TAF5: variants seen among roughly 807,000 people sequenced by gnomAD.
TAF5 encodes the protein TATA-box binding protein associated factor 5.
In TAF5, 20 loss-of-function variants were observed where a neutral mutation model predicts 80.9. That is an observed-to-expected ratio of 0.25 (90% CI 0.17 to 0.36). The LOEUF (loss-of-function observed/expected upper bound fraction) is 0.36. Among genes scored for constraint, TAF5 ranks in the 10% least tolerant of loss-of-function variants. TAF5 has a pLI of 1.00. For synonymous variants in TAF5, 388 were observed against 406.4 expected (o/e 0.95, Z 0.55); for missense variants, 863 against 1,029.4 (o/e 0.84, Z 2.21).
intron 1 of TAF5, among the ~76,000 whole-genome samples, chr10:103,369,490 G>A (rs546026744): frequency 3.3e-5 from 5 of 151,788 alleles, no homozygotes; most frequent in African/African-American, 9.7e-5. Flanking sequence ...TCCCGAATAG[G>A]TGGGACTACT....
intron 5 of TAF5, among the ~76,000 whole-genome samples, chr10:103,380,461 A>G (rs775877785): frequency 2.0e-5 from 3 of 152,146 alleles, no homozygotes; most frequent in Non-Finnish European, 4.4e-5. Flanking sequence ...GACAGCATTC[A>G]GGAAGAGAGA....
intron 1 of TAF5, among the ~76,000 whole-genome samples, chr10:103,372,524 C>T (rs1438788809): frequency 6.6e-6 from 1 of 150,890 alleles, no homozygotes; most frequent in African/African-American, 2.4e-5. Flanking sequence ...TTAGTAGAGA[C>T]GGGGTTTCAC....
intron 1 of TAF5, among the ~76,000 whole-genome samples, chr10:103,369,685 G>A (rs1401548818): frequency 1.3e-5 from 2 of 152,010 alleles, no homozygotes; most frequent in East Asian, 3.9e-4. Flanking sequence ...ATATATATGG[G>A]CTGAGTACCA....
At chr10:103,383,577 CTTT>C (rs147178642) in intron 7 of TAF5, among the ~76,000 whole-genome samples, 4 of 129,166 alleles carry the variant, frequency 3.1e-5, no homozygotes, top group Non-Finnish European at 4.7e-5. Context: ...TGTATACTCA[CTTT>C]TTTTTTTTTT....
chr10:103,387,897 G>A (rs762772426), intron 10 of TAF5, 109 bp from the exon 11 acceptor site: 319 of 1,208,886 alleles, frequency 2.6e-4, no homozygotes, highest in Non-Finnish European at 3.5e-4. Flanking sequence ...TATTGGTCAA[G>A]TTTAGATTTT....
intron 2 of TAF5, among the ~76,000 whole-genome samples, chr10:103,376,436 T>G (rs1421380723): frequency 6.6e-6 from 1 of 152,042 alleles, no homozygotes; most frequent in African/African-American, 2.4e-5. Flanking sequence ...GAAGTCAAGA[T>G]TTATCACTTA....
At chr10:103,377,167 T>C (rs1368054473) in intron 2 of TAF5, among the ~76,000 whole-genome samples, 1 of 152,164 alleles carries the variant, frequency 6.6e-6, no homozygotes, top group Non-Finnish European at 1.5e-5. Flanking sequence ...AAAAACCTTT[T>C]TGCTCTTCCT....
rs768193431 is a variant in TAF5 at position 103,373,420 on chromosome 10, C to G, written c.622C>G (p.Gln208Glu). The G allele has an allele frequency of 4.3e-6, 7 of 1,614,104 alleles. No individual in the cohort carries two copies. Among genetic ancestry groups the G allele is most frequent in the South Asian group, 1.1e-5 (1 of 91,084 alleles). The part of the protein sequence containing the change: ...VSAVLSAYNQ[Q>E]GDPTMYEEYY... ...TGCCGTGTTGTCAGCCTACAACCAA[C>G]AAGGAGATCCCACAATGTATGAAGA... Residue 208 changes from glutamine (Q) to glutamate (E), a missense_variant, in exon 2 of 11, where the codon CAA (glutamine) becomes GAA (glutamate). This residue lies in a region of TAF5 where 367 missense variants were observed against 335.5 expected (regional missense o/e 1.09). Transcript: ENST00000369839.
At chr10:103,387,985 T>C (rs372774482) in intron 10 of TAF5, 21 bp from the exon 11 acceptor site, 14 of 1,598,734 alleles carry the variant, frequency 8.8e-6, no homozygotes, top group Non-Finnish European at 1.2e-5. Context: ...CAACTAATGG[T>C]TTCCTTTGAC....
rs376376951 is a variant in TAF5, at chr10:103,371,156, C to G, written c.560-2202C>G. ...TACTCAGGAGGCTGAGGCAGGTGAA[C>G]CACTTTAACCCAGGCGGCAGAAGTT... On this transcript the variant is annotated intron_variant, in intron 1 of 10. Transcript: ENST00000369839. 6.5e-4 allele frequency among the ~76,000 whole-genome samples: 99 copies of G among 151,666 alleles called. No individual in the cohort carries two copies. The East Asian group carries it at 0.014, about 22-fold the overall frequency.
chr10:103,387,121 G>A (rs562017170), intron 8 of TAF5, 54 bp from the exon 9 acceptor site: 48 of 1,527,902 alleles, frequency 3.1e-5, no homozygotes, highest in East Asian at 2.5e-4. Context: ...GATTTTTGGC[G>A]TTTCACAGCT....
chr10:103,368,263 C>G lies in TAF5; in HGVS notation c.274C>G (p.His92Asp), dbSNP rs1461087755. Residue 92 changes from histidine (H) to aspartate (D), a missense_variant, in exon 1 of 11, where the codon CAT becomes GAT. This residue lies in a region of TAF5 where 367 missense variants were observed against 335.5 expected (regional missense o/e 1.09). Coordinates refer to ENST00000369839, the MANE Select transcript of TAF5 (RefSeq NM_006951.5). ...CGCTGCTCCGGACGCCGGCGCTCCG[C>G]ATGACCGACAGACTCTACTGGCCGT... ...PAAAPDAGAP[H>D]DRQTLLAVLQ... is the part of the protein sequence containing the mutation. The G allele has an allele frequency of 6.5e-7, 1 of 1,542,830 alleles. No homozygotes were observed. Among genetic ancestry groups the G allele is most frequent in the Admixed American group, 1.9e-5 (1 of 52,612 alleles).
Position 103,387,640 on chromosome 10 carries a change from C to T in TAF5, c.2127C>T (p.Gly709=). The change falls in exon 10 of 11, where the codon GGC becomes GGT. Residue 709 remains glycine, a synonymous_variant. Coordinates refer to ENST00000369839, the MANE Select transcript of TAF5 (RefSeq NM_006951.5). ...GTTTGATGGTTGGAGAATTAAAAGG[C>T]CACACTGATACAGTCTGTTCACTTA... is the stretch of plus-strand genomic sequence containing the variant. ...GHGLMVGELK[G]HTDTVCSLRF... The T allele has an allele frequency of 6.2e-7, 1 of 1,614,070 alleles. No homozygotes were observed. Among genetic ancestry groups the T allele is most frequent in the Non-Finnish European group, 8.5e-7 (1 of 1,180,006 alleles).
intron 1 of TAF5, among the ~76,000 whole-genome samples, chr10:103,372,374 G>A (rs899996666): frequency 3.5e-5 from 5 of 141,958 alleles, no homozygotes; most frequent in Non-Finnish European, 7.7e-5. Flanking sequence ...TTGCTCTGTC[G>A]CCCAGGCTGG....
chr10:103,379,768 A>G lies in TAF5; in HGVS notation c.1274A>G (p.Asn425Ser), dbSNP rs2093377966. ...CAAGATCCCAATGCTCCACCTCAGA[A>G]CAGGTGAGGAAAAAACTTCAGGAAC... Reference protein sequence around the residue: ...KKQDPNAPPQNRIPLPELKDS... With the variant: ...KKQDPNAPPQSRIPLPELKDS... The change falls in exon 4 of 11, where the codon AAC (asparagine) becomes AGC (serine). Residue 425 changes from asparagine to serine, a missense_variant. By Grantham distance (46) the Asn-to-Ser change is conservative. Coordinates refer to ENST00000369839, the MANE Select transcript of TAF5 (RefSeq NM_006951.5). 2 of 1,595,582 alleles carry G rather than the reference A, an allele frequency of 1.3e-6. No homozygotes were observed. Among genetic ancestry groups the G allele is most frequent in the South Asian group, 1.2e-5 (1 of 86,278 alleles).
rs138221997 is a variant in TAF5 at position 103,374,575 on chromosome 10, G to C, written c.797+980G>C. On this transcript the variant is annotated intron_variant, in intron 2 of 10. Transcript: ENST00000369839. The surrounding 1 kb of genome is among the most constrained non-coding windows in gnomAD (Gnocchi z 4.3). ...TACCTAAGTGTCTATGTGCCCAGCT[G>C]ATATTCAGGTTTTCTTTTATGGAGG... 6.3e-3 allele frequency among the ~76,000 whole-genome samples: 957 copies of C among 152,326 alleles called. 2 individuals are homozygous for C. The highest frequency in any genetic ancestry group is 0.017 in the Middle Eastern group (5 of 294).
intron 2 of TAF5, among the ~76,000 whole-genome samples, chr10:103,375,861 C>T (rs1022092848): frequency 2.6e-5 from 4 of 151,878 alleles, no homozygotes; most frequent in Non-Finnish European, 5.9e-5. Context: ...AGTTTGAGAC[C>T]AGCCTGGCCA....
In TAF5 at chr10:103,378,614, CATAAGT is replaced by C; in HGVS notation, c.1113+65_1113+70del. ...TGAAAAATTGTAGCATTTCCATCTA[CATAAGT>C]TACACATTTTTCTTATAGCTAGCTT... On this transcript the variant is annotated intron_variant, in intron 3 of 10. Transcript: ENST00000369839. The surrounding 1 kb of genome is among the most constrained non-coding windows in gnomAD (Gnocchi z 4.1). 3 of 1,478,596 alleles carry C rather than the reference CATAAGT, an allele frequency of 2.0e-6. No individual in the cohort carries two copies. The highest frequency in any genetic ancestry group is 2.7e-6 in the Non-Finnish European group (3 of 1,103,580). 91.6% of individuals were successfully genotyped at this position (1,478,596 alleles called of 1,614,324 possible).
Position 103,383,367 on chromosome 10 carries a change from G to T in TAF5, c.1664G>T (p.Arg555Met). Residue 555 changes from arginine (R) to methionine (M), a missense_variant and splice_region_variant, in exon 7 of 11, where the codon AGG (arginine) becomes ATG (methionine). This residue lies in a region of TAF5 where 368 missense variants were observed against 461.7 expected (regional missense o/e 0.80). Coordinates refer to ENST00000369839, the MANE Select transcript of TAF5 (RefSeq NM_006951.5). ...PVYGASFSPD[R>M]NYLLSSSEDG... ...TACGGAGCCAGCTTCAGTCCGGATA[G>T]GTAAAATACAAACAATAAAAATTAA... 6.3e-7 allele frequency: 1 copy of T among 1,579,804 alleles called. No individual in the cohort carries two copies. Among genetic ancestry groups the T allele is most frequent in the South Asian group, 1.2e-5 (1 of 84,106 alleles).
Sources: gnomAD v4.1 joint callset for allele counts (sites outside exome capture counted in the v4.1 genomes callset) on GRCh38, gnomAD v4.1.1 for gene constraint, gnomAD v4.1.1 regional missense constraint, Gnocchi (gnomAD v3.1) non-coding constraint, MANE v1.5 for transcripts, NCBI Gene and HGNC (gene_info 2026-07-23, HGNC 2026-07-21) for gene names.